Variants in CTNNB1 observed in about 807,000 individuals in gnomAD.
CTNNB1 encodes the protein catenin beta-1.
In CTNNB1, 6 loss-of-function variants were observed where a neutral mutation model predicts 82.5. The observed-to-expected ratio is 0.07, with a 90% CI of 0.04 to 0.14. The LOEUF is 0.14. Among genes scored for constraint, CTNNB1 ranks in the 10% least tolerant of loss-of-function variants. The pLI is 1.00. For synonymous variants in CTNNB1, 312 were observed against 329.7 expected, an observed-to-expected ratio of 0.95 and a Z score of 0.58; for missense variants, 529 against 980.4, an observed-to-expected ratio of 0.54 and a Z score of 6.15.
chr3:41,239,327 T>C lies in CTNNB1; in HGVS notation c.2331T>C (p.Phe777=). ...GTGACAGCAATCAGCTGGCCTGGTT[T>C]GATACTGACCTGTAAATCATCCTTT... The part of the protein sequence containing the change: ...PPGDSNQLAW[F]DTDL Residue 777 remains phenylalanine, a synonymous_variant, in exon 15 of 15, where the codon TTT becomes TTC. Coordinates refer to ENST00000349496, the MANE Select transcript of CTNNB1 (RefSeq NM_001904.4). 1 of 1,614,094 alleles carries C rather than the reference T, an allele frequency of 6.2e-7. No individual in the cohort carries two copies. Among genetic ancestry groups the C allele is most frequent in the Non-Finnish European group, 8.5e-7 (1 of 1,179,986 alleles).
intron 14 of CTNNB1, among the ~76,000 whole-genome samples, chr3:41,238,597 C>T (rs1396405137): frequency 6.6e-6 from 1 of 152,182 alleles, no homozygotes; most frequent in African/African-American, 2.4e-5. Flanking sequence ...TATGAAACCA[C>T]TAAAGCGCAG....
intron 1 of CTNNB1, among the ~76,000 whole-genome samples, chr3:41,202,273 T>TGA (rs1403503811): frequency 2.6e-5 from 4 of 152,190 alleles, no homozygotes; most frequent in African/African-American, 9.7e-5. Flanking sequence ...TAATTGTAGA[T>TGA]GAGTAGGTGG....
At chr3:41,212,387 A>G (rs914054576) in intron 1 of CTNNB1, among the ~76,000 whole-genome samples, 1 of 151,988 alleles carries the variant, frequency 6.6e-6, no homozygotes, top group African/African-American at 2.4e-5. Context: ...TGTCCTATGT[A>G]TATGGTTCCA....
rs778596324 is a variant in CTNNB1 at position 41,239,304 on chromosome 3, G to A, written c.2308G>A (p.Asp770Asn). The change falls in exon 15 of 15, where the codon GAC becomes AAC. Residue 770 changes from aspartate (D) to asparagine (N), a missense_variant. This residue lies in a region of CTNNB1 where 102 missense variants were observed against 130.8 expected (regional missense o/e 0.78). Coordinates refer to ENST00000349496, the MANE Select transcript of CTNNB1 (RefSeq NM_001904.4). ...CCTCATGGATGGGCTGCCTCCAGGT[G>A]ACAGCAATCAGCTGGCCTGGTTTGA... ...QDLMDGLPPG[D>N]SNQLAWFDTD... is the part of the protein sequence containing the mutation. The A allele has an allele frequency of 6.2e-7, 1 of 1,614,180 alleles. No individual in the cohort carries two copies. Among genetic ancestry groups the A allele is most frequent in the Non-Finnish European group, 8.5e-7 (1 of 1,180,028 alleles).
At chr3:41,206,190 CAGATATGTTAA>C (rs1189292963) in intron 1 of CTNNB1, among the ~76,000 whole-genome samples, 2 of 152,104 alleles carry the variant, frequency 1.3e-5, no homozygotes, top group Non-Finnish European at 2.9e-5. Flanking sequence ...TGACTTGTAA[CAGATATGTTAA>C]ACCGTTTAAA....
At chr3:41,210,454 CA>C (rs528407913) in intron 1 of CTNNB1, among the ~76,000 whole-genome samples, 1 of 149,378 alleles carries the variant, frequency 6.7e-6, no homozygotes, top group Admixed American at 6.7e-5. Context: ...AACTCCGTCT[CA>C]AAAAAAAACA....
intron 7 of CTNNB1, among the ~76,000 whole-genome samples, chr3:41,231,179 T>C (rs2078298327): frequency 6.6e-6 from 1 of 151,974 alleles, no homozygotes; most frequent in East Asian, 1.9e-4. Flanking sequence ...TACAAAAAGT[T>C]AGCCGGGCGT....
chr3:41,229,531 G>C (rs1385890850), intron 7 of CTNNB1, among the ~76,000 whole-genome samples: 1 of 152,140 alleles, frequency 6.6e-6, no homozygotes, highest in East Asian at 1.9e-4. Flanking sequence ...GTCTAGAAAT[G>C]CTTCTGACTT....
At chr3:41,223,718 G>C (rs2078106099) in intron 1 of CTNNB1, among the ~76,000 whole-genome samples, 1 of 152,050 alleles carries the variant, frequency 6.6e-6, no homozygotes, top group Admixed American at 6.6e-5. Context: ...TCCCCTCCCT[G>C]GCTTTTATTA....
intron 1 of CTNNB1, among the ~76,000 whole-genome samples, chr3:41,215,277 G>A (rs2077888781): frequency 1.3e-5 from 2 of 148,646 alleles, no homozygotes; most frequent in African/African-American, 2.5e-5. Flanking sequence ...CCAGCTACTC[G>A]GGAGGCTGAG....
At chr3:41,209,838 C>T (rs1224482446) in intron 1 of CTNNB1, among the ~76,000 whole-genome samples, 2 of 152,136 alleles carry the variant, frequency 1.3e-5, no homozygotes, top group Non-Finnish European at 2.9e-5. Flanking sequence ...ATATGTTGCT[C>T]TGGGTGAGTC....
intron 14 of CTNNB1, 73 bp from the exon 15 acceptor site, chr3:41,239,061 G>A (rs2078509228): frequency 9.3e-6 from 12 of 1,291,346 alleles, no homozygotes; most frequent in East Asian, 2.3e-5. Flanking sequence ...CAGTGTTAAC[G>A]TCTATGTCTG....
rs771548577 is a variant in CTNNB1, at chr3:41,236,534, T to C, written c.1954+35T>C. 5.0e-6 allele frequency: 8 copies of C among 1,614,190 alleles called. No homozygotes were observed. In the East Asian group the frequency reaches 1.3e-4, roughly 27 times the overall value. On this transcript the variant is annotated intron_variant, in intron 12 of 14. Transcript: ENST00000349496. ...AAGGAACCAAAGCCTTTAGCAGATG[T>C]GTACATTGAAGTCTCAGTTTTTCCT...
chr3:41,220,182 G>C (rs1160180629), intron 1 of CTNNB1, among the ~76,000 whole-genome samples: 1 of 152,036 alleles, frequency 6.6e-6, no homozygotes, highest in Non-Finnish European at 1.5e-5. Context: ...CAGCCATAAA[G>C]AGATTTCCTA....
intron 1 of CTNNB1, among the ~76,000 whole-genome samples, chr3:41,215,847 A>G (rs1357397770): frequency 6.6e-6 from 1 of 152,220 alleles, no homozygotes; most frequent in Non-Finnish European, 1.5e-5. Context: ...CTAGCTAGGC[A>G]TATAGTCAAA....
At chr3:41,221,114 A>G (rs2078039803) in intron 1 of CTNNB1, 1 of 152,224 alleles carries the variant, frequency 6.6e-6, no homozygotes, top group Non-Finnish European at 1.5e-5. Flanking sequence ...CTCTTTGTCA[A>G]AACATCACTT....
rs773278783 is a variant in CTNNB1, at chr3:41,239,214, G to T, written c.2218G>T (p.Gly740Cys). 1 of 1,614,212 alleles carries T rather than the reference G, an allele frequency of 6.2e-7. No homozygotes were observed. The highest frequency in any genetic ancestry group is 8.5e-7 in the Non-Finnish European group (1 of 1,180,036). ...GGACCCCATGATGGAACATGAGATG[G>T]GTGGCCACCACCCTGGTGCTGACTA... The part of the protein sequence containing the change: ...GMDPMMEHEM[G>C]GHHPGADYPV... Residue 740 changes from glycine to cysteine, a missense_variant, in exon 15 of 15, where the codon GGT (glycine) becomes TGT (cysteine). Gly to Cys is a radical substitution (Grantham distance 159, BLOSUM62 -3). Transcript: ENST00000349496.
chr3:41,228,701 A>T (rs2078235334), intron 7 of CTNNB1, among the ~76,000 whole-genome samples: 1 of 152,018 alleles, frequency 6.6e-6, no homozygotes, highest in African/African-American at 2.4e-5. Context: ...TACTCTGTTG[A>T]TTTCTTTTGC....
chr3:41,238,267 T>G, intron 14 of CTNNB1, 191 bp downstream of exon 14: 1 of 614,550 alleles, frequency 1.6e-6, no homozygotes, highest in Non-Finnish European at 2.9e-6. Context: ...AGCCACACAA[T>G]GAGTAGCAGT....
Sources: gnomAD v4.1 joint callset for allele counts (sites outside exome capture counted in the v4.1 genomes callset) on GRCh38, gnomAD v4.1.1 for gene constraint, gnomAD v4.1.1 regional missense constraint, MANE v1.5 for transcripts, NCBI Gene and HGNC (gene_info 2026-07-23, HGNC 2026-07-21) for gene names.